Variants in TMEM276 observed in about 807,000 individuals in gnomAD.
The protein encoded by TMEM276 is transmembrane protein 276.
At chr8:144,465,269 C>T in the TMEM276 span, 2 of 1,107,746 alleles carry the variant, frequency 1.8e-6, no homozygotes, top group Non-Finnish European at 2.3e-6. Context: ...CTGCTCCCTG[C>T]GTTCCGGGAG....
At chr8:144,464,538 G>A in the TMEM276 span, 59 of 1,611,920 alleles carry the variant, frequency 3.7e-5, no homozygotes, top group Non-Finnish European at 4.8e-5. Flanking sequence ...CTTCGTGTGT[G>A]CTCAGCCCTG....
the TMEM276 span, chr8:144,466,920 T>G: frequency 6.4e-7 from 1 of 1,573,262 alleles, no homozygotes; most frequent in Non-Finnish European, 8.6e-7. Context: ...CTCAAGCACG[T>G]GACCCGAAAT....
chr8:144,464,911 G>C, the TMEM276 span: 7 of 1,610,966 alleles, frequency 4.3e-6, no homozygotes, highest in Non-Finnish European at 1.7e-6. Context: ...TGGCACCTCA[G>C]GCGGCAGTAT....
chr8:144,465,200 G>A, the TMEM276 span: 4 of 1,278,718 alleles, frequency 3.1e-6, no homozygotes, highest in East Asian at 3.3e-5. Context: ...CCAAGTGGGA[G>A]TGCGGGCCTG....
chr8:144,465,565 C>A, the TMEM276 span: 1 of 172,632 alleles, frequency 5.8e-6, no homozygotes, highest in Non-Finnish European at 8.8e-6. Flanking sequence ...GGGAGAGGGT[C>A]GAGACCTGGG....
At chr8:144,466,831 C>T in the TMEM276 span, 1 of 1,537,024 alleles carries the variant, frequency 6.5e-7, no homozygotes. Flanking sequence ...AGCTGACCGG[C>T]CTGGCCGGTA....
At chr8:144,464,360 C>A in the TMEM276 span, 1 of 1,611,510 alleles carries the variant, frequency 6.2e-7, no homozygotes, top group East Asian at 2.2e-5. Context: ...ATTGCCTGAC[C>A]AGCCACAGAG....
At chr8:144,465,159 G>C in the TMEM276 span, 1 of 1,383,650 alleles carries the variant, frequency 7.2e-7, no homozygotes, top group Non-Finnish European at 9.5e-7. Flanking sequence ...GGTCTAAGCT[G>C]GGGGGAACGT....
At chr8:144,464,686 G>C in the TMEM276 span, 36 of 1,572,994 alleles carry the variant, frequency 2.3e-5, no homozygotes, top group South Asian at 3.2e-4. Context: ...AAAGGGTTTG[G>C]GGCTTCCATG....
the TMEM276 span, chr8:144,464,956 G>A: frequency 1.3e-6 from 2 of 1,592,584 alleles, no homozygotes; most frequent in Non-Finnish European, 1.7e-6. Context: ...CTCAACTTTG[G>A]AGAGGAAGGA....
the TMEM276 span, chr8:144,464,854 C>G: frequency 1.2e-6 from 2 of 1,612,846 alleles, no homozygotes; most frequent in Admixed American, 1.7e-5. Flanking sequence ...CTCCCAGCAC[C>G]AGATGGGACA....
the TMEM276 span, chr8:144,466,524 C>T: frequency 4.9e-6 from 6 of 1,231,186 alleles, no homozygotes; most frequent in South Asian, 1.1e-4. Flanking sequence ...CCCAGGTGAG[C>T]GGGGCTGGCC....
chr8:144,466,997 G>A, the TMEM276 span: 6 of 1,597,422 alleles, frequency 3.8e-6, no homozygotes, highest in Non-Finnish European at 5.1e-6. Context: ...AGGCGCAGCC[G>A]AGGGCCGCGC....
At chr8:144,466,460 G>A in the TMEM276 span, 2 of 1,362,328 alleles carry the variant, frequency 1.5e-6, no homozygotes, top group African/African-American at 1.5e-5. Flanking sequence ...ATCTTCTACA[G>A]CCTCTTCCGC....
chr8:144,464,919 T>A, the TMEM276 span: 6 of 1,609,970 alleles, frequency 3.7e-6, no homozygotes, highest in Non-Finnish European at 5.1e-6. Context: ...CAGGCGGCAG[T>A]ATGTACGAGG....
the TMEM276 span, chr8:144,464,835 G>C: frequency 1.2e-6 from 2 of 1,612,822 alleles, no homozygotes; most frequent in Non-Finnish European, 1.7e-6. Flanking sequence ...GCTGCGTGCA[G>C]AGACACCACT....
the TMEM276 span, chr8:144,465,651 G>C: frequency 1.4e-5 from 2 of 139,336 alleles, no homozygotes; most frequent in African/African-American, 5.6e-5. Context: ...TGTTTGGGTG[G>C]GTGCGTGCGT....
the TMEM276 span, chr8:144,464,210 C>T: frequency 3.1e-6 from 5 of 1,613,056 alleles, no homozygotes; most frequent in African/African-American, 1.3e-5. Context: ...CAGACATCCT[C>T]CTTCGGTAGC....
the TMEM276 span, chr8:144,466,945 T>C: frequency 1.3e-6 from 2 of 1,588,024 alleles, no homozygotes; most frequent in Non-Finnish European, 8.5e-7. Flanking sequence ...CCCGCCCTCC[T>C]CCCTGACCGG....
Sources: allele counts gnomAD v4.1 joint callset, GRCh38; gene constraint gnomAD v4.1.1; transcripts MANE v1.5; gene names NCBI Gene and HGNC (gene_info 2026-07-23, HGNC 2026-07-21).